PCYT2: variants seen among roughly 807,000 people sequenced by gnomAD.
PCYT2 encodes phosphate cytidylyltransferase 2, ethanolamine.
Under a neutral mutation model 50.0 loss-of-function variants are expected in PCYT2, and 33 were observed. The observed-to-expected ratio is 0.66, with a 90% CI of 0.50 to 0.88. PCYT2 has a LOEUF of 0.88. Ranked by LOEUF, PCYT2 falls within the 40% of genes least tolerant of loss-of-function variation. The pLI is 0.00. For missense variants in PCYT2, 430 were observed against 519.7 expected (o/e 0.83, Z 1.68); for synonymous variants, 240 against 203.7 (o/e 1.18, Z -1.52).
At position 81,906,479 on chromosome 17, in the gene PCYT2, G is replaced by A; in HGVS notation, c.744C>T (p.Gly248=). The part of the protein sequence containing the change: ...RLAERPYIIA[G]LHFDQEVNHY... ...AGGCAGTGACCTGGTCAAAGTGTAA[G>A]CCCGCGATGATGTAGGGCCTCTCTG... Residue 248 remains glycine, a synonymous_variant, in exon 8 of 13, where the codon GGC becomes GGT. Coordinates refer to ENST00000538936, the MANE Select transcript of PCYT2 (RefSeq NM_002861.5). The A allele has an allele frequency of 6.2e-7, 1 of 1,613,396 alleles. No individual in the cohort carries two copies. Among genetic ancestry groups the A allele is most frequent in the Admixed American group, 1.7e-5 (1 of 60,010 alleles).
At chr17:81,905,201 C>CCCCAAGACCCATCTGATG in intron 11 of PCYT2, 47 bp from the exon 12 acceptor site, 4 of 1,509,862 alleles carry the variant, frequency 2.6e-6, no homozygotes, top group Non-Finnish European at 3.6e-6. Flanking sequence ...CTGCTGACCT[C>CCCCAAGACCCATCTGATG]CCCAAGACCC....
At chr17:81,906,284 T>C in intron 8 of PCYT2, 107 bp from the exon 9 acceptor site, 2 of 1,168,212 alleles carry the variant, frequency 1.7e-6, no homozygotes, top group South Asian at 2.9e-5. Flanking sequence ...TGCTCGCCCT[T>C]GTGGGGATGC....
chr17:81,902,474 G>A lies in PCYT2; in HGVS notation c.*2359C>T. On this transcript the variant is annotated 3_prime_UTR_variant, in exon 13 of 13. Coordinates refer to ENST00000538936, the MANE Select transcript of PCYT2 (RefSeq NM_002861.5). ...CCCTACAGAGGGGCGGAACCCCCGG[G>A]CGGGGCCGGCGCCTCCCCGGAGCTG... The A allele has an allele frequency of 2.9e-6, 4 of 1,392,050 alleles. No homozygotes were observed. The highest frequency in any genetic ancestry group is 9.2e-7 in the Non-Finnish European group (1 of 1,081,950). The allele number at this position is 1,392,050 out of a possible 1,614,324, so 86.2% of individuals were successfully genotyped here.
chr17:81,905,422 G>T lies in PCYT2; in HGVS notation c.929C>A (p.Thr310Lys). Residue 310 changes from threonine (T) to lysine (K), a missense_variant, in exon 11 of 13, where the codon ACA becomes AAA. By Grantham distance (78) the Thr-to-Lys change is moderately conservative. Transcript: ENST00000538936. ...FKVDLVCHGK[T>K]EIIPDRDGSD... ...GCCATCCCTGTCAGGGATAATTTCTGTCTTGCCGTGACACACCAGGTCCAC... is the reference window on the plus strand; with the variant it reads ...GCCATCCCTGTCAGGGATAATTTCTTTCTTGCCGTGACACACCAGGTCCAC... The T allele has an allele frequency of 6.4e-7, 1 of 1,567,122 alleles. No homozygotes were observed.
rs749464294 is a variant in PCYT2, at chr17:81,907,595, TCTC to T, written c.493_495del (p.Glu165del). The T allele has an allele frequency of 3.7e-6, 6 of 1,611,794 alleles. No individual in the cohort carries two copies. The South Asian group carries it at 6.6e-5, about 18-fold the overall frequency. On this transcript the variant is annotated inframe_deletion and splice_region_variant, in exon 6 of 13. Transcript: ENST00000538936. The stretch of plus-strand genomic sequence containing the variant: ...GCATACTCCCGGTACTCAGAGGACA[TCTC>T]CTGCACAGAAGGTCAGAGCAGGGCT...
At chr17:81,905,974 C>G in intron 9 of PCYT2, 126 bp downstream of exon 9, 1 of 854,978 alleles carries the variant, frequency 1.2e-6, no homozygotes, top group Non-Finnish European at 1.8e-6. Flanking sequence ...CCACAGAACT[C>G]GGGGTGCTGG....
Position 81,901,154 on chromosome 17 carries a change from C to T in PCYT2, c.*3679G>A, listed in dbSNP as rs1488305452. On this transcript the variant is annotated 3_prime_UTR_variant, in exon 13 of 13. Coordinates refer to ENST00000538936, the MANE Select transcript of PCYT2 (RefSeq NM_002861.5). ...CCCCTGGCAAGCCACTGGTGTAGGTCCGAGAGTCCAAAAGCTGAAGAACCT... is the reference window on the plus strand; with the variant it reads ...CCCCTGGCAAGCCACTGGTGTAGGTTCGAGAGTCCAAAAGCTGAAGAACCT... 6.6e-6 allele frequency: 1 copy of T among 152,146 alleles called. No individual in the cohort carries two copies. Among genetic ancestry groups the T allele is most frequent in the African/African-American group, 2.4e-5 (1 of 41,408 alleles). The allele number at this position is 152,146 out of a possible 1,614,324, so 9.4% of individuals were successfully genotyped here.
In PCYT2 at chr17:81,904,040, C is replaced by G. The variant is rs562121505; in HGVS notation, c.*793G>C. 1 of 152,260 alleles carries G rather than the reference C, an allele frequency of 6.6e-6. No individual in the cohort carries two copies. The highest frequency in any genetic ancestry group is 2.4e-5 in the African/African-American group (1 of 41,450). 9.4% of individuals were successfully genotyped at this position (152,260 alleles called of 1,614,324 possible). Reference sequence around the variant, plus strand: ...GGGGCAAGGAGCCTCAGCTCTGGCTCTCCTCCTTATTCTAGCATCGCCTGC... The same window carrying G: ...GGGGCAAGGAGCCTCAGCTCTGGCTGTCCTCCTTATTCTAGCATCGCCTGC... On this transcript the variant is annotated 3_prime_UTR_variant, in exon 13 of 13. Coordinates refer to ENST00000538936, the MANE Select transcript of PCYT2 (RefSeq NM_002861.5).
intron 4 of PCYT2, 142 bp downstream of exon 4, chr17:81,908,426 G>A (rs2040396780): frequency 4.8e-5 from 31 of 640,184 alleles, no homozygotes; most frequent in East Asian, 4.5e-4. Flanking sequence ...TCCATCCCTC[G>A]AGTTCCCAGT....
intron 1 of PCYT2, 98 bp from the exon 2 acceptor site, chr17:81,909,700 T>A: frequency 1.1e-6 from 1 of 888,158 alleles, no homozygotes; most frequent in South Asian, 1.3e-5. Flanking sequence ...GAGGACTCCT[T>A]AGGAAGCGCT....
intron 2 of PCYT2, 175 bp from the exon 3 acceptor site, chr17:81,909,212 C>T (rs956039473): frequency 1.6e-5 from 23 of 1,436,786 alleles, no homozygotes; most frequent in East Asian, 7.5e-5. Flanking sequence ...CTCTTCCCTG[C>T]GAGGGTCTCA....
chr17:81,905,035 G>A lies in PCYT2; in HGVS notation c.1058+31C>T. 2.5e-6 allele frequency: 4 copies of A among 1,603,362 alleles called. No homozygotes were observed. In the Middle Eastern group the frequency reaches 5.0e-4, roughly 199 times the overall value. On this transcript the variant is annotated intron_variant, in intron 12 of 12. Transcript: ENST00000538936. ...AAGTCTAGCGGAGAGCGCCCATGAG[G>A]CGGCTCCGAGGTGCCCCCACCCAAC...
chr17:81,907,988 C>A, intron 4 of PCYT2, 131 bp from the exon 5 acceptor site: 1 of 712,936 alleles, frequency 1.4e-6, no homozygotes, highest in East Asian at 2.7e-5. Context: ...CTGAGGGTCC[C>A]CTTCCTGTGC....
chr17:81,907,220 G>A (rs1318251477), intron 6 of PCYT2: 2 of 1,534,300 alleles, frequency 1.3e-6, no homozygotes, highest in East Asian at 2.4e-5. Context: ...GCAGCCTTCT[G>A]AGGAAAGTAT....
chr17:81,909,139 G>T (rs924715728), intron 2 of PCYT2, 102 bp from the exon 3 acceptor site: 1 of 1,526,122 alleles, frequency 6.6e-7, no homozygotes, highest in Non-Finnish European at 8.8e-7. Context: ...AAGAGGGCCG[G>T]TGGGGGCAGG....
chr17:81,909,388 CCTACAGTG>C (rs2040453571), intron 2 of PCYT2, 118 bp downstream of exon 2: 1 of 1,431,980 alleles, frequency 7.0e-7, no homozygotes, highest in African/African-American at 1.4e-5. Flanking sequence ...GCTGGGTGAG[CCTACAGTG>C]CCCTCCCCTA....
intron 1 of PCYT2, among the ~76,000 whole-genome samples, chr17:81,910,615 C>T (rs1598333333): frequency 1.3e-5 from 2 of 152,198 alleles, no homozygotes; most frequent in South Asian, 4.1e-4. Flanking sequence ...AGAGGTGACT[C>T]GGACACAGAA....
intron 8 of PCYT2, 94 bp downstream of exon 8, chr17:81,906,370 C>G: frequency 7.3e-7 from 1 of 1,372,778 alleles, no homozygotes; most frequent in Middle Eastern, 2.1e-4. Context: ...CCTGGGGCCC[C>G]TTCCCAGAGA....
chr17:81,908,858 C>G lies in PCYT2; in HGVS notation c.340+18G>C. The G allele has an allele frequency of 6.2e-7, 1 of 1,608,942 alleles. No individual in the cohort carries two copies. The highest frequency in any genetic ancestry group is 8.5e-7 in the Non-Finnish European group (1 of 1,176,732). Reference sequence around the variant, plus strand: ...ACCTGATGTCCCCAGGCCCCCAGGTCCCAGCCCCGCCACTCACTGCCGTGA... The same window carrying G: ...ACCTGATGTCCCCAGGCCCCCAGGTGCCAGCCCCGCCACTCACTGCCGTGA... On this transcript the variant is annotated intron_variant, in intron 3 of 12. Coordinates refer to ENST00000538936, the MANE Select transcript of PCYT2 (RefSeq NM_002861.5).
Sources: gnomAD v4.1 joint callset for allele counts (sites outside exome capture counted in the v4.1 genomes callset) on GRCh38, gnomAD v4.1.1 for gene constraint, MANE v1.5 for transcripts, NCBI Gene and HGNC (gene_info 2026-07-23, HGNC 2026-07-21) for gene names.